FBXO31: variants seen among roughly 807,000 people sequenced by gnomAD.
FBXO31 encodes F-box protein 31, also known as F-box only protein 31.
In FBXO31, 24 loss-of-function variants were observed where a neutral mutation model predicts 54.4. That is an observed-to-expected ratio of 0.44 (90% confidence interval 0.32 to 0.62). FBXO31 has a LOEUF of 0.62. Among genes scored for constraint, FBXO31 ranks in the 20% least tolerant of loss-of-function variants. The pLI, the probability that FBXO31 is intolerant of heterozygous loss-of-function variation, is 0.05. For missense variants in FBXO31, 665 were observed against 787.1 expected (o/e 0.84, Z 1.86); for synonymous variants, 388 against 335.6 (o/e 1.16, Z -1.71).
At chr16:87,385,863 T>G (rs1567493778), upstream of FBXO31, 1 of 151,762 alleles carries the variant, frequency 6.6e-6, no homozygotes, top group Non-Finnish European at 1.5e-5. Context: ...ATGCAAAAAT[T>G]AGCCGGGCAT....
At chr16:87,332,125 G>A (rs1404499489) in intron 8 of FBXO31, among the ~76,000 whole-genome samples, 2 of 152,340 alleles carry the variant, frequency 1.3e-5, no homozygotes, top group African/African-American at 4.8e-5. Flanking sequence ...ACCCACTGAG[G>A]CTCCAAAGGC....
Position 87,333,870 on chromosome 16 carries a change from C to T in FBXO31, c.1397+16G>A. 1.3e-6 allele frequency: 2 copies of T among 1,579,270 alleles called. No individual in the cohort carries two copies. The highest frequency in any genetic ancestry group is 2.3e-5 in the East Asian group (1 of 44,426). ...GCTGTCCCACCTTCAGGCCCCAGTACCCGCCGCATCCTTACCACATCCTGC... is the reference window on the plus strand; with the variant it reads ...GCTGTCCCACCTTCAGGCCCCAGTATCCGCCGCATCCTTACCACATCCTGC... On this transcript the variant is annotated intron_variant, in intron 8 of 8. Coordinates refer to ENST00000311635, the MANE Select transcript of FBXO31 (RefSeq NM_024735.5).
At position 87,338,350 on chromosome 16, in the gene FBXO31, G is replaced by C. The variant is rs971063986; in HGVS notation, c.733-2086C>G. ...CGCGACCCTCGTGGCAGCGCCGGCA[G>C]AGGGGGCTGAGGGTGACAAGGATGC... On this transcript the variant is annotated intron_variant, in intron 5 of 8. Transcript: ENST00000311635. This position sits in a 1 kb window ranked among gnomAD's most constrained non-coding sequence, Gnocchi z 4.3. Among the ~76,000 whole-genome samples the C allele has an allele frequency of 6.6e-6, 1 of 152,162 alleles. No homozygotes were observed. Among genetic ancestry groups the C allele is most frequent in the Non-Finnish European group, 1.5e-5 (1 of 68,016 alleles).
At chr16:87,356,367 G>A (rs1170217934) in intron 2 of FBXO31, among the ~76,000 whole-genome samples, 1 of 152,104 alleles carries the variant, frequency 6.6e-6, no homozygotes, top group Non-Finnish European at 1.5e-5. Context: ...TCAGAGGAAG[G>A]GCTGGTCAGT....
At chr16:87,347,763 G>C (rs1905458110) in intron 2 of FBXO31, among the ~76,000 whole-genome samples, 1 of 151,608 alleles carries the variant, frequency 6.6e-6, no homozygotes, top group African/African-American at 2.4e-5. Context: ...GAAGTGATGA[G>C]CCTCCCATCA....
upstream of FBXO31, among the ~76,000 whole-genome samples, chr16:87,387,053 C>CT (rs1207288679): frequency 6.6e-6 from 1 of 152,062 alleles, no homozygotes; most frequent in Non-Finnish European, 1.5e-5. Context: ...AATCCCAACA[C>CT]TTTGGGAGGC....
intron 1 of FBXO31, among the ~76,000 whole-genome samples, chr16:87,377,881 G>C (rs1003703704): frequency 1.3e-5 from 2 of 151,838 alleles, no homozygotes; most frequent in African/African-American, 4.8e-5. Flanking sequence ...ATCTAGGCCA[G>C]GCACAGTGGC....
upstream of FBXO31, among the ~76,000 whole-genome samples, chr16:87,385,325 G>T (rs1281033258): frequency 6.6e-6 from 1 of 152,164 alleles, no homozygotes; most frequent in Non-Finnish European, 1.5e-5. Flanking sequence ...AGGTGTGGTG[G>T]CAGGTGCCTG....
chr16:87,340,730 G>A (rs113099033), intron 5 of FBXO31, among the ~76,000 whole-genome samples: 3 of 152,320 alleles, frequency 2.0e-5, no homozygotes, highest in African/African-American at 7.2e-5. Flanking sequence ...GGCCAAGGCG[G>A]TAAGATCACT....
upstream of FBXO31, among the ~76,000 whole-genome samples, chr16:87,387,457 G>A (rs779251212): frequency 6.6e-6 from 1 of 152,174 alleles, no homozygotes; most frequent in Non-Finnish European, 1.5e-5. Flanking sequence ...ATATAGGGCT[G>A]GGCATTTTCC....
At position 87,383,736 on chromosome 16, in the gene FBXO31, C is replaced by T. The variant is rs1907196526; in HGVS notation, c.9G>A (p.Val3=). Reference sequence around the variant, plus strand: ...GGCCCACGCCGCAAAGGCGAGCACACACCGCCATGCCGCCCAGTGACGGCC... The same window carrying T: ...GGCCCACGCCGCAAAGGCGAGCACATACCGCCATGCCGCCCAGTGACGGCC... MA[V]CARLCGVGPS... The change falls in exon 1 of 9, where the codon GTG becomes GTA. Residue 3 remains valine (V), a synonymous_variant. Transcript: ENST00000311635. The surrounding 1 kb of genome is among the most constrained non-coding windows in gnomAD (Gnocchi z 4.9). 7.4e-6 allele frequency: 9 copies of T among 1,217,158 alleles called. No individual in the cohort carries two copies. Among genetic ancestry groups the T allele is most frequent in the African/African-American group, 1.6e-5 (1 of 62,874 alleles). 75.4% of individuals were successfully genotyped at this position (1,217,158 alleles called of 1,614,324 possible).
At chr16:87,342,603 G>A (rs971084546) in intron 5 of FBXO31, among the ~76,000 whole-genome samples, 17 of 152,228 alleles carry the variant, frequency 1.1e-4, no homozygotes, top group Admixed American at 7.2e-4. Context: ...GGATGTGCCC[G>A]CCAGAGGGGC....
chr16:87,353,495 C>T (rs970494911), intron 2 of FBXO31, among the ~76,000 whole-genome samples: 15 of 152,258 alleles, frequency 9.9e-5, no homozygotes, highest in South Asian at 2.1e-4. Context: ...GTGCCCGATC[C>T]ACTGACTGTT....
rs1238568876 is a variant in FBXO31 at position 87,383,401 on chromosome 16, T to G, written c.340+4A>C. Reference sequence around the variant, plus strand: ...TCCCGGCCCCGCCACCCCCGCGCGCTCACCCTCACGGCAACGCCTCCTCCA... The same window carrying G: ...TCCCGGCCCCGCCACCCCCGCGCGCGCACCCTCACGGCAACGCCTCCTCCA... On this transcript the variant is annotated splice_donor_region_variant and intron_variant, in intron 1 of 8. Transcript: ENST00000311635. The surrounding 1 kb of genome is among the most constrained non-coding windows in gnomAD (Gnocchi z 4.9). 2.3e-5 allele frequency: 32 copies of G among 1,393,312 alleles called. No homozygotes were observed. Among genetic ancestry groups the G allele is most frequent in the Middle Eastern group, 2.5e-4 (1 of 3,932 alleles). The allele number at this position is 1,393,312 out of a possible 1,614,324, so 86.3% of individuals were successfully genotyped here. A position where few individuals can be genotyped will look rare whatever the true frequency, so the allele number is the denominator to read the frequency against.
intron 2 of FBXO31, among the ~76,000 whole-genome samples, chr16:87,352,183 C>T (rs1429958559): frequency 6.6e-6 from 1 of 152,066 alleles, no homozygotes; most frequent in Non-Finnish European, 1.5e-5. Flanking sequence ...ATAATATACA[C>T]AATTATTATC....
chr16:87,347,340 A>G (rs1170001580), intron 2 of FBXO31, 90 bp from the exon 3 acceptor site: 22 of 1,096,988 alleles, frequency 2.0e-5, no homozygotes, highest in Non-Finnish European at 3.0e-5. Context: ...AGGAACCATG[A>G]GGACTCACAA....
intron 1 of FBXO31, among the ~76,000 whole-genome samples, chr16:87,364,648 A>T (rs1249036373): frequency 6.6e-6 from 1 of 152,160 alleles, no homozygotes; most frequent in African/African-American, 2.4e-5. Context: ...ATGCAGTACA[A>T]CCACTAGGTA....
At chr16:87,340,019 G>T (rs766997503) in intron 5 of FBXO31, among the ~76,000 whole-genome samples, 1 of 152,092 alleles carries the variant, frequency 6.6e-6, no homozygotes, top group Non-Finnish European at 1.5e-5. Flanking sequence ...GCGGTGGCTC[G>T]CGCCTGTAAT....
upstream of FBXO31, chr16:87,383,871 A>C: frequency 1.6e-5 from 10 of 638,868 alleles, no homozygotes; most frequent in Non-Finnish European, 1.9e-5. The surrounding 1 kb of genome is among the most constrained non-coding windows in gnomAD (Gnocchi z 4.9). Flanking sequence ...CCCCGCCCCT[A>C]CGTAGAGCTC....
Sources: allele counts gnomAD v4.1 joint callset (sites outside exome capture counted in the v4.1 genomes callset), GRCh38; gene constraint gnomAD v4.1.1; non-coding constraint Gnocchi (gnomAD v3.1); transcripts MANE v1.5; gene names NCBI Gene and HGNC (gene_info 2026-07-23, HGNC 2026-07-21).